Variants in IRF2 observed in about 807,000 individuals in gnomAD.
The protein encoded by IRF2 is interferon regulatory factor 2.
IRF2 carries 15 observed loss-of-function variants against 40.6 expected under a neutral mutation model. The observed-to-expected ratio is 0.37, with a 90% confidence interval of 0.25 to 0.57. The LOEUF (loss-of-function observed/expected upper bound fraction) is 0.57, where lower values mean the gene tolerates loss of function less well. Ranked by LOEUF, IRF2 falls within the 20% of genes least tolerant of loss-of-function variation. The pLI is 0.77. For missense variants in IRF2, 317 were observed against 455.7 expected (o/e 0.70, Z 2.77); for synonymous variants, 151 against 165.5 (o/e 0.91, Z 0.67).
rs1579115020 is a variant in IRF2, at chr4:184,462,079, A to C, written c.-7+12300T>G. On this transcript the variant is annotated intron_variant, in intron 1 of 8. Coordinates refer to ENST00000393593, the MANE Select transcript of IRF2 (RefSeq NM_002199.4). ...TGAACAAAAATCCCAGCATCCTAAGAAAGAGCCAATAGAGATTTACCTTCA... is the reference window on the plus strand; with the variant it reads ...TGAACAAAAATCCCAGCATCCTAAGCAAGAGCCAATAGAGATTTACCTTCA... Among the ~76,000 whole-genome samples, 2 of 152,200 alleles carry C rather than the reference A, an allele frequency of 1.3e-5. 1 individual carries two copies. The highest frequency in any genetic ancestry group is 4.1e-4 in the South Asian group (2 of 4,830).
At chr4:184,416,324 A>C (rs560224771) in intron 5 of IRF2, among the ~76,000 whole-genome samples, 280 of 144,122 alleles carry the variant, frequency 1.9e-3, no homozygotes, top group African/African-American at 6.8e-3. Context: ...TCTCAAAAAA[A>C]AAACAAAAAA....
chr4:184,411,695 C>A (rs1737079617), intron 5 of IRF2, among the ~76,000 whole-genome samples: 1 of 152,104 alleles, frequency 6.6e-6, no homozygotes, highest in African/African-American at 2.4e-5. Flanking sequence ...ATATCTAAAT[C>A]TAAGGTATAT....
chr4:184,396,974 A>T (rs1344985545), intron 7 of IRF2, among the ~76,000 whole-genome samples: 1 of 152,140 alleles, frequency 6.6e-6, no homozygotes, highest in Non-Finnish European at 1.5e-5. Flanking sequence ...ACAACAGTCA[A>T]CTGTACCCAA....
At chr4:184,439,825 G>A (rs546317127) in intron 1 of IRF2, among the ~76,000 whole-genome samples, 1 of 152,302 alleles carries the variant, frequency 6.6e-6, no homozygotes, top group South Asian at 2.1e-4. Context: ...CGAGCAAACT[G>A]ACTTGGGGCC....
intron 1 of IRF2, among the ~76,000 whole-genome samples, chr4:184,447,944 ACT>A (rs1462009541): frequency 1.3e-5 from 2 of 152,148 alleles, no homozygotes; most frequent in African/African-American, 4.8e-5. Context: ...GTGGGAGGCG[ACT>A]CACACAGCGG....
At chr4:184,393,343 T>C (rs1736326100) in intron 7 of IRF2, among the ~76,000 whole-genome samples, 1 of 152,268 alleles carries the variant, frequency 6.6e-6, no homozygotes, top group African/African-American at 2.4e-5. Flanking sequence ...AGCTTTCTCT[T>C]CCTTTCATAC....
At chr4:184,433,699 A>G (rs1231039282) in intron 1 of IRF2, among the ~76,000 whole-genome samples, 7 of 152,184 alleles carry the variant, frequency 4.6e-5, no homozygotes, top group South Asian at 2.1e-4. Flanking sequence ...GACATCTCCA[A>G]TGAGACTCAA....
intron 1 of IRF2, among the ~76,000 whole-genome samples, chr4:184,434,380 T>A (rs1290872182): frequency 6.6e-6 from 1 of 152,214 alleles, no homozygotes; most frequent in East Asian, 1.9e-4. Context: ...CCTGGGGTTA[T>A]CCATGATACG....
intron 1 of IRF2, 105 bp from the exon 2 acceptor site, chr4:184,429,175 G>GTCCCCAGCCCCAGGAAA: frequency 3.8e-6 from 3 of 797,088 alleles, no homozygotes; most frequent in Non-Finnish European, 6.1e-6. Context: ...TCCTTTCCTG[G>GTCCCCAGCCCCAGGAAA]GGCTGGGGAC....
intron 1 of IRF2, among the ~76,000 whole-genome samples, chr4:184,465,608 T>C (rs529698470): frequency 9.3e-4 from 141 of 152,290 alleles, no homozygotes; most frequent in South Asian, 2.7e-3. Context: ...CACAATTTCA[T>C]ATCCTTTTTT....
chr4:184,390,366 G>T (rs1402576044), intron 8 of IRF2, among the ~76,000 whole-genome samples: 3 of 152,184 alleles, frequency 2.0e-5, no homozygotes, highest in Non-Finnish European at 2.9e-5. Flanking sequence ...GGCTGGGAAG[G>T]CTGCTCTATT....
chr4:184,432,280 G>C (rs1232571772), intron 1 of IRF2, among the ~76,000 whole-genome samples: 1 of 152,220 alleles, frequency 6.6e-6, no homozygotes, highest in East Asian at 1.9e-4. Context: ...TCTGATGCAC[G>C]TGTTCCCAGC....
intron 2 of IRF2, among the ~76,000 whole-genome samples, chr4:184,420,409 G>A (rs1221799572): frequency 6.6e-6 from 1 of 152,180 alleles, no homozygotes; most frequent in Non-Finnish European, 1.5e-5. Context: ...GAAATAGAAA[G>A]TAATGTTCGA....
At chr4:184,406,912 C>A (rs1314708428) in intron 6 of IRF2, among the ~76,000 whole-genome samples, 3 of 152,200 alleles carry the variant, frequency 2.0e-5, no homozygotes, top group African/African-American at 7.2e-5. Flanking sequence ...CTTTGAGCAG[C>A]CAAAATTAAG....
chr4:184,433,729 C>T (rs2149906238), intron 1 of IRF2, among the ~76,000 whole-genome samples: 1 of 152,312 alleles, frequency 6.6e-6, no homozygotes, highest in Middle Eastern at 3.4e-3. Flanking sequence ...AACCCAGTCA[C>T]ATGAAGGCCC....
In IRF2 at chr4:184,445,453, A is replaced by G. The variant is rs568865071; in HGVS notation, c.-6-16383T>C. Among the ~76,000 whole-genome samples the G allele has an allele frequency of 3.9e-5, 6 of 152,306 alleles. No homozygotes were observed. The South Asian group carries it at 1.0e-3, about 26-fold the overall frequency. On this transcript the variant is annotated intron_variant, in intron 1 of 8. Transcript: ENST00000393593. ...CGGATTACGTGAGCTCAAGAGATCA[A>G]CACCAGCCTGGTCAACATGGTGAAA... is the stretch of plus-strand genomic sequence containing the variant.
At chr4:184,468,171 T>C (rs1406398234) in intron 1 of IRF2, among the ~76,000 whole-genome samples, 1 of 152,078 alleles carries the variant, frequency 6.6e-6, no homozygotes, top group Admixed American at 6.5e-5. Flanking sequence ...TAAAATAAAA[T>C]AAAGTCCTTC....
chr4:184,418,919 TCA>T (rs1737378447), intron 3 of IRF2, among the ~76,000 whole-genome samples: 1 of 152,168 alleles, frequency 6.6e-6, no homozygotes, highest in Non-Finnish European at 1.5e-5. Flanking sequence ...ACAGTTCCAG[TCA>T]AACTGGGACA....
At chr4:184,416,397 GT>G (rs1245281517) in intron 5 of IRF2, among the ~76,000 whole-genome samples, 2 of 141,454 alleles carry the variant, frequency 1.4e-5, no homozygotes, top group Admixed American at 6.9e-5. Flanking sequence ...TTGTTCAATT[GT>G]AAAAAAAAAA....
Sources: allele counts gnomAD v4.1 joint callset (sites outside exome capture counted in the v4.1 genomes callset), GRCh38; gene constraint gnomAD v4.1.1; transcripts MANE v1.5; gene names NCBI Gene and HGNC (gene_info 2026-07-23, HGNC 2026-07-21).